The following GALNT13 variants were observed in gnomAD, a reference collection of about 807,000 sequenced individuals.
The protein encoded by GALNT13 is polypeptide N-acetylgalactosaminyltransferase 13.
A neutral mutation model predicts 64.2 loss-of-function variants in GALNT13; 28 were observed. The ratio of observed to expected loss-of-function variants is 0.44; its 90% confidence interval spans 0.32 to 0.60. The LOEUF (loss-of-function observed/expected upper bound fraction) is 0.60. Ranked by LOEUF, GALNT13 falls within the 20% of genes least tolerant of loss-of-function variation. The pLI, the probability that GALNT13 is intolerant of heterozygous loss-of-function variation, is 0.05. For synonymous variants in GALNT13, 214 were observed against 224.6 expected, an observed-to-expected ratio of 0.95 and a Z score of 0.42; for missense variants, 577 against 669.8, an observed-to-expected ratio of 0.86 and a Z score of 1.53.
intron 3 of GALNT13, among the ~76,000 whole-genome samples, chr2:154,072,390 A>G (rs562397127): frequency 6.6e-6 from 1 of 152,102 alleles, no homozygotes; most frequent in Non-Finnish European, 1.5e-5. Flanking sequence ...ATTCTTTATA[A>G]TTATGTTTAT....
At chr2:154,113,453 CA>C in intron 3 of GALNT13, among the ~76,000 whole-genome samples, 1 of 152,334 alleles carries the variant, frequency 6.6e-6, no homozygotes, top group Middle Eastern at 3.4e-3. Flanking sequence ...CTCCAAAATA[CA>C]AATAGACCCA....
intron 3 of GALNT13, among the ~76,000 whole-genome samples, chr2:154,000,378 G>T (rs550367348): frequency 6.6e-6 from 1 of 151,360 alleles, no homozygotes; most frequent in Non-Finnish European, 1.5e-5. Flanking sequence ...TTTTTCCTTT[G>T]TCTTGAGCTA....
At chr2:154,422,963 G>A (rs1321794085) in intron 11 of GALNT13, among the ~76,000 whole-genome samples, 1 of 151,980 alleles carries the variant, frequency 6.6e-6, no homozygotes, top group Non-Finnish European at 1.5e-5. Context: ...TGCACAATGT[G>A]CAGGTTTATT....
At chr2:154,127,147 A>G (rs558937690) in intron 3 of GALNT13, among the ~76,000 whole-genome samples, 23 of 152,296 alleles carry the variant, frequency 1.5e-4, no homozygotes, top group African/African-American at 5.1e-4. Flanking sequence ...ATTTAACAAT[A>G]TAATGATATA....
At chr2:153,462,473 G>A in the GALNT13 span, among the ~76,000 whole-genome samples, 1 of 152,118 alleles carries the variant, frequency 6.6e-6, no homozygotes, top group Non-Finnish European at 1.5e-5. Context: ...GCTGGATGGA[G>A]TCTTTCAGAA....
At chr2:154,369,742 T>C (rs1697575460) in intron 9 of GALNT13, among the ~76,000 whole-genome samples, 1 of 152,152 alleles carries the variant, frequency 6.6e-6, no homozygotes, top group Non-Finnish European at 1.5e-5. Context: ...ACTAGGTAGC[T>C]TAAACAACAG....
chr2:153,729,728 C>T, the GALNT13 span, among the ~76,000 whole-genome samples: 1 of 151,852 alleles, frequency 6.6e-6, no homozygotes, highest in African/African-American at 2.4e-5. Flanking sequence ...CCTAAAAAAT[C>T]CTAAAGAGTC....
intron 10 of GALNT13, among the ~76,000 whole-genome samples, chr2:154,401,601 A>ATT (rs1321584005): frequency 6.6e-6 from 1 of 152,132 alleles, no homozygotes; most frequent in East Asian, 1.9e-4. Context: ...AAAATATTGT[A>ATT]TTTTTTTAAC....
the GALNT13 span, among the ~76,000 whole-genome samples, chr2:153,845,411 A>G: frequency 2.0e-5 from 3 of 152,300 alleles, no homozygotes; most frequent in Non-Finnish European, 4.4e-5. Flanking sequence ...AGAGAAAGAA[A>G]GAAGGAATGG....
Position 154,208,565 on chromosome 2 carries a change from A to AC in GALNT13, c.312-33462dup, listed in dbSNP as rs1273417406. Among the ~76,000 whole-genome samples, 3 of 149,046 alleles carry AC rather than the reference A, an allele frequency of 2.0e-5. No individual in the cohort carries two copies. In the South Asian group the frequency reaches 6.4e-4, roughly 32 times the overall value. ...ACAAAATTCAACAGAGATCTGTTTGACCCTGGAATCTGATATCTGAAGCAC... is the reference window on the plus strand; with the variant it reads ...ACAAAATTCAACAGAGATCTGTTTGACCCCTGGAATCTGATATCTGAAGCAC... On this transcript the variant is annotated intron_variant, in intron 4 of 12. Coordinates refer to ENST00000392825, the MANE Select transcript of GALNT13 (RefSeq NM_052917.4).
the GALNT13 span, among the ~76,000 whole-genome samples, chr2:153,358,488 C>G: frequency 6.6e-6 from 1 of 152,094 alleles, no homozygotes; most frequent in Non-Finnish European, 1.5e-5. Context: ...ATGGGAGGCA[C>G]CTGCACCAAT....
At chr2:153,525,172 G>A in the GALNT13 span, among the ~76,000 whole-genome samples, 3 of 152,156 alleles carry the variant, frequency 2.0e-5, no homozygotes, top group Non-Finnish European at 2.9e-5. Context: ...CTGCCTTGAC[G>A]AGAAGAAACC....
At chr2:153,511,532 A>G in the GALNT13 span, among the ~76,000 whole-genome samples, 2 of 152,182 alleles carry the variant, frequency 1.3e-5, no homozygotes, top group Non-Finnish European at 2.9e-5. Context: ...TGAGGGAAGA[A>G]CATAACCACT....
the GALNT13 span, among the ~76,000 whole-genome samples, chr2:153,726,509 G>C: frequency 1.2e-4 from 19 of 152,230 alleles, no homozygotes; most frequent in African/African-American, 4.6e-4. Flanking sequence ...TCTAGGTGTT[G>C]ATAGGCAAAT....
intron 4 of GALNT13, among the ~76,000 whole-genome samples, chr2:154,198,625 C>T (rs573364992): frequency 1.2e-3 from 186 of 151,162 alleles, no homozygotes; most frequent in African/African-American, 4.4e-3. Context: ...CCTGCAAGTA[C>T]CCTATAAGGG....
the GALNT13 span, among the ~76,000 whole-genome samples, chr2:153,161,820 T>G: frequency 6.6e-6 from 1 of 152,204 alleles, no homozygotes; most frequent in East Asian, 1.9e-4. Context: ...ATAATGCCTC[T>G]GTTACTTGGC....
At chr2:153,163,748 G>A in the GALNT13 span, among the ~76,000 whole-genome samples, 39 of 152,272 alleles carry the variant, frequency 2.6e-4, no homozygotes, top group African/African-American at 9.1e-4. Context: ...GGCCGGACGC[G>A]GAGGCTCAAG....
the GALNT13 span, among the ~76,000 whole-genome samples, chr2:153,756,044 A>G: frequency 7.2e-5 from 11 of 152,236 alleles, no homozygotes; most frequent in Admixed American, 2.0e-4. Flanking sequence ...TTCATCTGTA[A>G]GGTAAAAATA....
chr2:154,347,092 A>G (rs1260050193), intron 9 of GALNT13, among the ~76,000 whole-genome samples: 1 of 152,138 alleles, frequency 6.6e-6, no homozygotes, highest in Non-Finnish European at 1.5e-5. Flanking sequence ...GAAAGTTAGC[A>G]TTTCATTGGG....
Sources: allele counts gnomAD v4.1 joint callset (sites outside exome capture counted in the v4.1 genomes callset), GRCh38; gene constraint gnomAD v4.1.1; transcripts MANE v1.5; gene names NCBI Gene and HGNC (gene_info 2026-07-23, HGNC 2026-07-21).